EIF6: variants seen among roughly 807,000 people sequenced by gnomAD.
EIF6 encodes eukaryotic translation initiation factor 6, also known as B4 integrin interactor.
In EIF6, 10 loss-of-function variants were observed where a neutral mutation model predicts 25.5. That is an observed-to-expected ratio of 0.39 (90% CI 0.24 to 0.66). EIF6 has a LOEUF of 0.66. EIF6 is among the 30% of genes least tolerant of loss of function. The pLI is 0.45. For missense variants in EIF6, 246 were observed against 315.4 expected (o/e 0.78, Z 1.67); for synonymous variants, 122 against 122.6 (o/e 1.00, Z 0.03).
chr20:35,280,888 G>A, intron 3 of EIF6, 59 bp from the exon 4 acceptor site: 1 of 1,577,774 alleles, frequency 6.3e-7, no homozygotes, highest in Non-Finnish European at 8.6e-7. Context: ...CCTAGGGGCT[G>A]AGGATACCAC....
At position 35,284,277 on chromosome 20, in the gene EIF6, C is replaced by G; in HGVS notation, c.108-16G>C. On this transcript the variant is annotated splice_polypyrimidine_tract_variant and intron_variant, in intron 2 of 6. Coordinates refer to ENST00000374450, the MANE Select transcript of EIF6 (RefSeq NM_002212.4). ...CTCGAACACACTGTAGGGACATGGA[C>G]TCGGTGGTGGCGGGGCAGAGGGGCC... 1 of 1,613,880 alleles carries G rather than the reference C, an allele frequency of 6.2e-7. No homozygotes were observed. Among genetic ancestry groups the G allele is most frequent in the Non-Finnish European group, 8.5e-7 (1 of 1,180,024 alleles).
chr20:35,280,816 A>G lies in EIF6; in HGVS notation c.207T>C (p.Gly69=), dbSNP rs2060768124. ...IGRMCVGNRH[G]LLVPNNTTDQ... ...CGGTGGTATTGTTGGGTACCAGGAG[A>G]CCGTGCCTGTTCCCTGGAGAAACCC... Residue 69 remains glycine, a synonymous_variant, in exon 4 of 7, where the codon GGT becomes GGC. Coordinates refer to ENST00000374450, the MANE Select transcript of EIF6 (RefSeq NM_002212.4). 2 of 1,613,822 alleles carry G rather than the reference A, an allele frequency of 1.2e-6. No individual in the cohort carries two copies. Among genetic ancestry groups the G allele is most frequent in the African/African-American group, 2.7e-5 (2 of 74,892 alleles).
intron 3 of EIF6, among the ~76,000 whole-genome samples, chr20:35,282,346 A>T (rs2060782559): frequency 6.6e-6 from 1 of 152,236 alleles, no homozygotes; most frequent in Non-Finnish European, 1.5e-5. Context: ...TGTCGATGGA[A>T]TGGATGAATA....
chr20:35,279,578 G>C lies in EIF6; in HGVS notation c.716C>G (p.Ser239Cys), dbSNP rs1310844672. 1.9e-6 allele frequency: 3 copies of C among 1,614,000 alleles called. No homozygotes were observed. Among genetic ancestry groups the C allele is most frequent in the Non-Finnish European group, 2.5e-6 (3 of 1,180,016 alleles). ...PSTIATSMRD[S>C]LIDSLT ...AGGCCCCAGGTACCTGTCAATGAGG[G>C]AATCCCGCATGCTGGTGGCAATGGT... Residue 239 changes from serine to cysteine, a missense_variant, in exon 6 of 7, where the codon TCC (serine) becomes TGC (cysteine). Physicochemically the swap from Ser to Cys is moderately radical, Grantham distance 112 (BLOSUM62 -1). Transcript: ENST00000374450.
intron 5 of EIF6, 45 bp downstream of exon 5, chr20:35,279,897 A>G: frequency 6.3e-7 from 1 of 1,599,940 alleles, no homozygotes; most frequent in South Asian, 1.1e-5. Context: ...ACTAGGCAAA[A>G]GGATCTGCCT....
intron 2 of EIF6, 58 bp downstream of exon 2, chr20:35,284,322 AG>A: frequency 3.7e-6 from 6 of 1,613,764 alleles, no homozygotes; most frequent in Non-Finnish European, 5.1e-6. Context: ...CCACTGCCGG[AG>A]CTCTTGACTC....
At chr20:35,279,351 A>G (rs1415428568) in intron 6 of EIF6, 145 bp from the exon 7 acceptor site, 3 of 1,314,430 alleles carry the variant, frequency 2.3e-6, no homozygotes. Flanking sequence ...CTAGCCCTGA[A>G]AAACCACAAA....
chr20:35,280,411 G>C (rs79501496), intron 4 of EIF6, among the ~76,000 whole-genome samples: 34 of 152,222 alleles, frequency 2.2e-4, no homozygotes, highest in African/African-American at 8.2e-4. Context: ...ACCTATCCTG[G>C]CCCAGGATGC....
rs1166836239 is a variant in EIF6, at chr20:35,284,489, AG to A, written c.-3del. On this transcript the variant is annotated splice_region_variant and 5_prime_UTR_variant, in exon 2 of 7. Coordinates refer to ENST00000374450, the MANE Select transcript of EIF6 (RefSeq NM_002212.4). ...CTCGAACGAAGCTCGGACCGCCATG[AG>A]GCCTAGGGGCGGCGGAGGCGGGAGT... 1 of 1,605,330 alleles carries A rather than the reference AG, an allele frequency of 6.2e-7. No individual in the cohort carries two copies.
intron 3 of EIF6, among the ~76,000 whole-genome samples, chr20:35,282,057 C>G (rs528311445): frequency 6.6e-6 from 1 of 150,738 alleles, no homozygotes; most frequent in African/African-American, 2.4e-5. Context: ...GGCACAATCT[C>G]GGCTCACTGC....
chr20:35,280,597 G>A (rs1337217347), intron 4 of EIF6, 57 bp downstream of exon 4: 12 of 1,585,208 alleles, frequency 7.6e-6, no homozygotes, highest in Non-Finnish European at 9.5e-6. Context: ...AAAGAACAGT[G>A]GCTAACCACT....
At position 35,284,698 on chromosome 20, in the gene EIF6, C is replaced by T. The variant is rs1274781420; in HGVS notation, c.-6+28G>A. On this transcript the variant is annotated intron_variant, in intron 1 of 6. Transcript: ENST00000374450. ...TCCCGACCCAGGACCGGAGCTGACC[C>T]TCCCAGGTTCCCCTCACACCAGCTT... 11 of 608,696 alleles carry T rather than the reference C, an allele frequency of 1.8e-5. No individual in the cohort carries two copies. In the East Asian group the frequency reaches 2.5e-4, roughly 14 times the overall value. 37.7% of individuals were successfully genotyped at this position (608,696 alleles called of 1,614,324 possible). A position where few individuals can be genotyped will look rare whatever the true frequency, so the allele number is the denominator to read the frequency against.
rs1345837217 is a variant in EIF6, at chr20:35,279,936, G to A, written c.546+6C>T. ...GAGACGGGGTTCAGAGGACAGGAAT[G>A]CTTACCACAAGGGGGACTTGAAGAA... is the stretch of plus-strand genomic sequence containing the variant. On this transcript the variant is annotated splice_donor_region_variant and intron_variant, in intron 5 of 6. Coordinates refer to ENST00000374450, the MANE Select transcript of EIF6 (RefSeq NM_002212.4). 5.6e-6 allele frequency: 9 copies of A among 1,613,296 alleles called. No homozygotes were observed. The highest frequency in any genetic ancestry group is 7.6e-6 in the Non-Finnish European group (9 of 1,179,404).
At chr20:35,281,441 G>C (rs958206675) in intron 3 of EIF6, among the ~76,000 whole-genome samples, 3 of 151,284 alleles carry the variant, frequency 2.0e-5, no homozygotes, top group Non-Finnish European at 4.4e-5. Flanking sequence ...ACACATAGCA[G>C]AATGGCTAGA....
intron 6 of EIF6, 76 bp downstream of exon 6, chr20:35,279,490 G>A: frequency 2.6e-6 from 4 of 1,567,750 alleles, no homozygotes; most frequent in Non-Finnish European, 3.5e-6. Context: ...CATTCTAGAT[G>A]ACATCTTTTC....
rs1204163788 is a variant in EIF6 at position 35,284,386 on chromosome 20, G to A, written c.102C>T (p.Phe34=). 3 of 1,613,882 alleles carry A rather than the reference G, an allele frequency of 1.9e-6. No individual in the cohort carries two copies. Among genetic ancestry groups the A allele is most frequent in the Non-Finnish European group, 2.5e-6 (3 of 1,179,980 alleles). ...CCCCGGGGCTCCCGCCGCACCTGTA[G>A]AAGTTCTCTGAGCCTCCGATCGCTA... ...CLVAIGGSEN[F]YSVFEGELSD... is the part of the protein sequence containing the mutation. The change falls in exon 2 of 7, where the codon TTC becomes TTT. Residue 34 remains phenylalanine (F), a synonymous_variant. Transcript: ENST00000374450.
At chr20:35,284,148 C>T in intron 3 of EIF6, 28 bp downstream of exon 3, 2 of 1,559,748 alleles carry the variant, frequency 1.3e-6, no homozygotes, top group Non-Finnish European at 1.7e-6. Context: ...AGACCACTCC[C>T]TCCCTCGGCG....
chr20:35,281,344 C>T (rs2146262586), intron 3 of EIF6, among the ~76,000 whole-genome samples: 1 of 151,404 alleles, frequency 6.6e-6, no homozygotes, highest in Non-Finnish European at 1.5e-5. Context: ...CGAGATCGCG[C>T]CACTGCACTC....
At chr20:35,279,772 A>G in intron 5 of EIF6, 25 bp from the exon 6 acceptor site, 1 of 1,612,088 alleles carries the variant, frequency 6.2e-7, no homozygotes, top group Non-Finnish European at 8.5e-7. Context: ...GCTCAATGTG[A>G]GTCACGGCAC....
Sources: allele counts gnomAD v4.1 joint callset (sites outside exome capture counted in the v4.1 genomes callset), GRCh38; gene constraint gnomAD v4.1.1; transcripts MANE v1.5; gene names NCBI Gene and HGNC (gene_info 2026-07-23, HGNC 2026-07-21).